The following GUCY2F variants were observed in gnomAD, a reference collection of about 807,000 sequenced individuals.
The protein encoded by GUCY2F is guanylate cyclase 2F, retinal.
Under a neutral mutation model 73.1 loss-of-function variants are expected in GUCY2F, and 61 were observed. That is an observed-to-expected ratio of 0.83 (90% confidence interval 0.68 to 1.03). The LOEUF (loss-of-function observed/expected upper bound fraction) is 1.03. Ranked by LOEUF, GUCY2F falls within the 50% of genes least tolerant of loss-of-function variation. The pLI is 0.00. For missense variants in GUCY2F, 912 were observed against 854.3 expected (o/e 1.07, Z -0.84); for synonymous variants, 331 against 307.8 (o/e 1.08, Z -0.79).
chrX:109,391,843 G>T, intron 14 of GUCY2F, 68 bp downstream of exon 14: 1 of 611,078 alleles, frequency 1.6e-6, no homozygotes. Flanking sequence ...TTCAATTTTA[G>T]AATACATATG....
At chrX:109,459,575 C>T (rs1161739891) in intron 3 of GUCY2F, among the ~76,000 whole-genome samples, 3 of 111,585 alleles carry the variant, frequency 2.7e-5, no homozygotes, top group Non-Finnish European at 5.7e-5. Flanking sequence ...CACAAAAAAA[C>T]AGTGATGAAG....
chrX:109,402,059 G>A (rs188954769), intron 10 of GUCY2F, among the ~76,000 whole-genome samples: 1 of 111,703 alleles, frequency 9.0e-6, no homozygotes, highest in Non-Finnish European at 1.9e-5. Context: ...TTAGAGCAAT[G>A]GGAAGCCATT....
chrX:109,447,986 C>T, intron 6 of GUCY2F, 83 bp downstream of exon 6: 1 of 509,476 alleles, frequency 2.0e-6, no homozygotes, highest in South Asian at 3.5e-5. Flanking sequence ...TTCAGACTAG[C>T]CACACGTCAA....
intron 17 of GUCY2F, 130 bp from the exon 18 acceptor site, chrX:109,376,297 G>T: frequency 2.1e-6 from 1 of 465,621 alleles, no homozygotes; most frequent in East Asian, 3.6e-5. Context: ...GGCTGAGCCA[G>T]AGCAGCCAGA....
Position 109,404,331 on chromosome X carries a change from C to T in GUCY2F, c.2122G>A (p.Glu708Lys). 8.4e-7 allele frequency: 1 copy of T among 1,189,125 alleles called. No homozygotes were observed. Among genetic ancestry groups the T allele is most frequent in the Admixed American group, 2.2e-5 (1 of 45,523 alleles). The change falls in exon 10 of 20, where the codon GAA becomes AAA. Residue 708 changes from glutamate to lysine, a missense_variant. Physicochemically the swap from Glu to Lys is moderately conservative, Grantham distance 56. Coordinates refer to ENST00000218006, the MANE Select transcript of GUCY2F (RefSeq NM_001522.3). Reference sequence around the variant, plus strand: ...AAGGGTACAATTCATTGCTTACCTTCCATAGAAGATTCCTCTTCAGAGAGT... The same window carrying T: ...AAGGGTACAATTCATTGCTTACCTTTCATAGAAGATTCCTCTTCAGAGAGT... ...LRLSEEESSMEELLWTAPELL... is the reference protein window; with the variant it reads ...LRLSEEESSMKELLWTAPELL...
In GUCY2F at chrX:109,452,833, C is replaced by T. The variant is rs147326575; in HGVS notation, c.1387+672G>A. ...TCCCCTCTGGCTCTGAGAGATTGGA[C>T]AAAGTTTCCCCTCTTCCACAAGCTA... On this transcript the variant is annotated intron_variant, in intron 4 of 19. Coordinates refer to ENST00000218006, the MANE Select transcript of GUCY2F (RefSeq NM_001522.3). Among the ~76,000 whole-genome samples, 317 of 111,485 alleles carry T rather than the reference C, an allele frequency of 2.8e-3. No homozygotes were observed. The Middle Eastern group carries it at 0.032, about 11-fold the overall frequency.
In GUCY2F at chrX:109,375,806, A is replaced by G. The variant is rs1333375062; in HGVS notation, c.*1+92T>C. ...CAGCTCCATCACACTATGCCAACAG[A>G]GTATAGGCTGACACTGGCACGCATG... On this transcript the variant is annotated intron_variant, in intron 19 of 19. Coordinates refer to ENST00000218006, the MANE Select transcript of GUCY2F (RefSeq NM_001522.3). 4.8e-6 allele frequency: 3 copies of G among 627,296 alleles called. No homozygotes were observed. The East Asian group carries it at 9.7e-5, about 20-fold the overall frequency. The allele number at this position is 627,296 out of a possible 1,213,427, so 51.7% of individuals were successfully genotyped here.
intron 6 of GUCY2F, among the ~76,000 whole-genome samples, chrX:109,446,032 A>T (rs1931997519): frequency 8.9e-6 from 1 of 111,987 alleles, no homozygotes; most frequent in African/African-American, 3.3e-5. Context: ...CAATTGCTTC[A>T]AAGAGAATAA....
chrX:109,450,204 A>T (rs778361358), intron 5 of GUCY2F, among the ~76,000 whole-genome samples: 1 of 110,686 alleles, frequency 9.0e-6, no homozygotes, highest in Non-Finnish European at 1.9e-5. Flanking sequence ...CTCTCCAATC[A>T]TTTTCCTCTC....
chrX:109,428,741 A>C (rs1931543240), intron 8 of GUCY2F, among the ~76,000 whole-genome samples: 1 of 112,019 alleles, frequency 8.9e-6, no homozygotes, highest in Non-Finnish European at 1.9e-5. Flanking sequence ...TTTAGAGGTA[A>C]AAGGGCATAG....
chrX:109,436,308 G>A lies in GUCY2F; in HGVS notation c.1701+5043C>T, dbSNP rs1263311635. On this transcript the variant is annotated intron_variant, in intron 7 of 19. Transcript: ENST00000218006. Reference sequence around the variant, plus strand: ...CAACAGGTGCTGGAGAGGATGTGGAGAAATAGGAACACTTTTACACTGTTG... The same window carrying A: ...CAACAGGTGCTGGAGAGGATGTGGAAAAATAGGAACACTTTTACACTGTTG... 1.7e-3 allele frequency among the ~76,000 whole-genome samples: 187 copies of A among 111,133 alleles called. 1 individual carries two copies. Among genetic ancestry groups the A allele is most frequent in the African/African-American group, 5.6e-3 (171 of 30,566 alleles).
At chrX:109,456,939 A>G (rs895379674) in intron 3 of GUCY2F, among the ~76,000 whole-genome samples, 9 of 111,767 alleles carry the variant, frequency 8.1e-5, no homozygotes, top group African/African-American at 2.9e-4. Context: ...GGAACACAGG[A>G]AGAAGAGGCA....
intron 8 of GUCY2F, among the ~76,000 whole-genome samples, chrX:109,422,580 CAA>C (rs1931395713): frequency 8.9e-6 from 1 of 111,907 alleles, no homozygotes; most frequent in African/African-American, 3.2e-5. Context: ...ATAACCTCAT[CAA>C]GTCACTAGAA....
At chrX:109,395,181 G>A (rs778687664) in intron 12 of GUCY2F, among the ~76,000 whole-genome samples, 160 bp downstream of exon 12, 3 of 111,605 alleles carry the variant, frequency 2.7e-5, no homozygotes, top group Admixed American at 9.5e-5. Context: ...CCAGCACCAA[G>A]AGCCTCAAAG....
chrX:109,475,090 G>A, intron 2 of GUCY2F, 117 bp downstream of exon 2: 16 of 740,637 alleles, frequency 2.2e-5, no homozygotes, highest in Non-Finnish European at 3.0e-5. Context: ...AAGGGCAAAT[G>A]TGTAAAGAAA....
intron 11 of GUCY2F, among the ~76,000 whole-genome samples, chrX:109,396,899 G>A (rs780400600): frequency 3.6e-5 from 4 of 112,368 alleles, no homozygotes; most frequent in Non-Finnish European, 7.5e-5. Flanking sequence ...TCTGGCAGAT[G>A]AAGTCTTTGT....
chrX:109,422,721 A>G (rs1460510614), intron 8 of GUCY2F, among the ~76,000 whole-genome samples: 5 of 111,937 alleles, frequency 4.5e-5, no homozygotes. Context: ...AGTTAAGTGT[A>G]TACTATTCTT....
At position 109,439,074 on chromosome X, in the gene GUCY2F, G is replaced by C. The variant is rs1040373932; in HGVS notation, c.1701+2277C>G. On this transcript the variant is annotated intron_variant, in intron 7 of 19. Coordinates refer to ENST00000218006, the MANE Select transcript of GUCY2F (RefSeq NM_001522.3). Reference sequence around the variant, plus strand: ...TGAGAGCCTGCAAAGTTGGCACCGCGTGGATACTACCGAGATGTATGGCTT... The same window carrying C: ...TGAGAGCCTGCAAAGTTGGCACCGCCTGGATACTACCGAGATGTATGGCTT... Among the ~76,000 whole-genome samples the C allele has an allele frequency of 5.4e-5, 6 of 112,035 alleles. No homozygotes were observed. In the Admixed American group the frequency reaches 5.7e-4, roughly 11 times the overall value.
At chrX:109,478,949 T>C (rs1248280816) in intron 1 of GUCY2F, among the ~76,000 whole-genome samples, 1 of 112,298 alleles carries the variant, frequency 8.9e-6, no homozygotes, top group African/African-American at 3.2e-5. Context: ...TTCGAATCAT[T>C]CATTTGCAGT....
Sources: gnomAD v4.1 joint callset for allele counts (sites outside exome capture counted in the v4.1 genomes callset) on GRCh38, gnomAD v4.1.1 for gene constraint, MANE v1.5 for transcripts, NCBI Gene and HGNC (gene_info 2026-07-23, HGNC 2026-07-21) for gene names.